The following GAD2 variants were observed in gnomAD, a reference collection of about 807,000 sequenced individuals.
GAD2 encodes 65 kDa glutamic acid decarboxylase.
GAD2 carries 22 observed loss-of-function variants against 80.1 expected under a neutral mutation model. The ratio of observed to expected loss-of-function variants is 0.27; its 90% CI spans 0.20 to 0.39. The LOEUF (loss-of-function observed/expected upper bound fraction) is 0.39, where lower values mean the gene tolerates loss of function less well. GAD2 is among the 10% of genes least tolerant of loss of function. The probability of loss-of-function intolerance (pLI) is 1.00; values close to 1 mark genes in which losing one functional copy is unlikely to be tolerated. For synonymous variants in GAD2, 274 were observed against 256.9 expected, an observed-to-expected ratio of 1.07 and a Z score of -0.64; for missense variants, 624 against 738.4, an observed-to-expected ratio of 0.85 and a Z score of 1.80.
chr10:26,223,408 A>G (rs1844477923), intron 4 of GAD2, among the ~76,000 whole-genome samples: 1 of 152,174 alleles, frequency 6.6e-6, no homozygotes, highest in African/African-American at 2.4e-5. Flanking sequence ...GAATGTTGGC[A>G]TGCCTGGCGG....
chr10:26,278,315 C>T (rs959234365), intron 11 of GAD2, among the ~76,000 whole-genome samples: 2 of 152,252 alleles, frequency 1.3e-5, no homozygotes, highest in African/African-American at 4.8e-5. Context: ...TACGTGCATG[C>T]ACGGTGTCAC....
intron 6 of GAD2, among the ~76,000 whole-genome samples, chr10:26,228,530 T>A (rs1326910242): frequency 6.6e-6 from 1 of 152,088 alleles, no homozygotes; most frequent in African/African-American, 2.4e-5. Context: ...ATAACAGGGG[T>A]CCCCAACCCC....
At chr10:26,237,296 T>C (rs996368575) in intron 7 of GAD2, among the ~76,000 whole-genome samples, 1 of 152,168 alleles carries the variant, frequency 6.6e-6, no homozygotes, top group Non-Finnish European at 1.5e-5. Flanking sequence ...GTTAGTGATA[T>C]ATCCTGTGAG....
At chr10:26,243,510 C>A (rs1463426093) in intron 7 of GAD2, among the ~76,000 whole-genome samples, 1 of 152,184 alleles carries the variant, frequency 6.6e-6, no homozygotes, top group Admixed American at 6.5e-5. Flanking sequence ...GGCTGATGGG[C>A]AGATGCAGTA....
At chr10:26,277,437 T>C (rs1845222706) in intron 11 of GAD2, among the ~76,000 whole-genome samples, 1 of 152,190 alleles carries the variant, frequency 6.6e-6, no homozygotes, top group Non-Finnish European at 1.5e-5. Context: ...ATTAGATTCC[T>C]TGGGGCGACA....
chr10:26,242,645 T>C (rs1844757376), intron 7 of GAD2, among the ~76,000 whole-genome samples: 1 of 152,296 alleles, frequency 6.6e-6, no homozygotes, highest in East Asian at 1.9e-4. Flanking sequence ...GTTTGCTACC[T>C]AATTTTCTTT....
intron 5 of GAD2, 27 bp downstream of exon 5, chr10:26,224,004 A>G: frequency 1.4e-6 from 2 of 1,461,578 alleles, no homozygotes; most frequent in South Asian, 2.3e-5. Context: ...GTTTTTATGT[A>G]ATTTAGGATA....
rs905203149 is a variant in GAD2 at position 26,302,791 on chromosome 10, G to T, written c.*1830G>T. Reference sequence around the variant, plus strand: ...ATAACTTGATATGAACATGGCTTTGGGCCCTTTCTGTCTAGAAAAACAAAT... The same window carrying T: ...ATAACTTGATATGAACATGGCTTTGTGCCCTTTCTGTCTAGAAAAACAAAT... On this transcript the variant is annotated 3_prime_UTR_variant, in exon 16 of 16. Transcript: ENST00000376261. 2 of 152,096 alleles carry T rather than the reference G, an allele frequency of 1.3e-5. No individual in the cohort carries two copies. The highest frequency in any genetic ancestry group is 4.8e-5 in the African/African-American group (2 of 41,408). 9.4% of individuals were successfully genotyped at this position (152,096 alleles called of 1,614,324 possible). A position where few individuals can be genotyped will look rare whatever the true frequency, so the allele number is the denominator to read the frequency against.
At chr10:26,228,112 G>C (rs1589137774) in intron 6 of GAD2, among the ~76,000 whole-genome samples, 1 of 152,348 alleles carries the variant, frequency 6.6e-6, no homozygotes, top group East Asian at 1.9e-4. Flanking sequence ...CAGGACTTGG[G>C]GTGTTCCCCT....
intron 8 of GAD2, among the ~76,000 whole-genome samples, chr10:26,255,600 G>A (rs200803582): frequency 1.4e-5 from 2 of 141,088 alleles, no homozygotes; most frequent in Non-Finnish European, 1.5e-5. Flanking sequence ...AATTATGGAA[G>A]GAAAGAAGGA....
rs765667427 is a variant in GAD2, at chr10:26,292,907, G to A, written c.1500G>A (p.Gln500=). Residue 500 remains glutamine, a synonymous_variant, in exon 15 of 16, where the codon CAG becomes CAA. Transcript: ENST00000376261. ...TCTTCCTTTCCTCTTTGTAGCCTCA[G>A]CACACAAATGTCTGCTTCTGGTACA... ...GYEMVFDGKP[Q]HTNVCFWYIP... 8 of 1,613,650 alleles carry A rather than the reference G, an allele frequency of 5.0e-6. No homozygotes were observed. The highest frequency in any genetic ancestry group is 3.3e-5 in the South Asian group (3 of 91,070).
chr10:26,291,047 T>C (rs901770954), intron 13 of GAD2, among the ~76,000 whole-genome samples: 1 of 152,324 alleles, frequency 6.6e-6, no homozygotes, highest in Admixed American at 6.5e-5. Context: ...CTCTTCTTCA[T>C]GGGAAATCAG....
intron 8 of GAD2, among the ~76,000 whole-genome samples, chr10:26,248,610 G>A (rs996903546): frequency 1.3e-5 from 2 of 152,188 alleles, no homozygotes; most frequent in African/African-American, 4.8e-5. Flanking sequence ...GGTCTTGCTA[G>A]TGCCTGGAAT....
At chr10:26,277,302 GAAGT>G (rs1241189316) in intron 11 of GAD2, among the ~76,000 whole-genome samples, 1 of 152,232 alleles carries the variant, frequency 6.6e-6, no homozygotes, top group Non-Finnish European at 1.5e-5. Flanking sequence ...GGAAAGTGCA[GAAGT>G]CTTGGCCAGC....
At chr10:26,219,804 C>T (rs576545331) in intron 4 of GAD2, among the ~76,000 whole-genome samples, 2 of 152,188 alleles carry the variant, frequency 1.3e-5, no homozygotes, top group South Asian at 4.2e-4. Context: ...TTCAGATTTT[C>T]ACTTATTTTT....
chr10:26,302,476 G>A lies in GAD2; in HGVS notation c.*1515G>A, dbSNP rs994862221. The A allele has an allele frequency of 6.6e-5, 10 of 152,172 alleles. No homozygotes were observed. Among genetic ancestry groups the A allele is most frequent in the African/African-American group, 2.4e-4 (10 of 41,434 alleles). The allele number at this position is 152,172 out of a possible 1,614,324, so 9.4% of individuals were successfully genotyped here. A position where few individuals can be genotyped will look rare whatever the true frequency, so the allele number is the denominator to read the frequency against. ...AACAAAAGCTTCCATAGATATTTAT[G>A]GGGTCACACATCGTCAGATTCCAAG... On this transcript the variant is annotated 3_prime_UTR_variant, in exon 16 of 16. Transcript: ENST00000376261.
chr10:26,270,118 C>T (rs529674541), intron 9 of GAD2, among the ~76,000 whole-genome samples: 35 of 152,228 alleles, frequency 2.3e-4, no homozygotes, highest in Admixed American at 1.9e-3. Context: ...ACTAGTTAGA[C>T]GGATAAAAGT....
At chr10:26,224,682 T>G (rs769156935) in intron 6 of GAD2, 31 bp downstream of exon 6, 2 of 1,484,488 alleles carry the variant, frequency 1.3e-6, no homozygotes, top group Admixed American at 3.4e-5. Context: ...CTTTGTGTTT[T>G]TTCTTCTAAT....
intron 13 of GAD2, among the ~76,000 whole-genome samples, chr10:26,290,892 C>G (rs978364555): frequency 3.3e-5 from 5 of 152,254 alleles, no homozygotes; most frequent in Non-Finnish European, 7.3e-5. Flanking sequence ...CCAGGGCACA[C>G]TAGAGTTTTC....
Sources: allele counts gnomAD v4.1 joint callset (sites outside exome capture counted in the v4.1 genomes callset), GRCh38; gene constraint gnomAD v4.1.1; transcripts MANE v1.5; gene names NCBI Gene and HGNC (gene_info 2026-07-23, HGNC 2026-07-21).